The following IL1RAPL2 variants were observed in gnomAD, a reference collection of about 807,000 sequenced individuals.
IL1RAPL2 encodes interleukin 1 receptor accessory protein like 2.
In IL1RAPL2, 3 loss-of-function variants were observed where a neutral mutation model predicts 44.1. The ratio of observed to expected loss-of-function variants is 0.07; its 90% CI spans 0.03 to 0.18. The LOEUF is 0.18. Ranked by LOEUF, IL1RAPL2 falls within the 10% of genes least tolerant of loss-of-function variation. The probability of loss-of-function intolerance (pLI) is 1.00; values close to 1 mark genes in which losing one functional copy is unlikely to be tolerated. For missense variants in IL1RAPL2, 391 were observed against 496.4 expected (o/e 0.79, Z 2.02); for synonymous variants, 181 against 178.8 (o/e 1.01, Z -0.10).
At chrX:104,809,915 T>A (rs1932960326) in intron 2 of IL1RAPL2, among the ~76,000 whole-genome samples, 1 of 111,075 alleles carries the variant, frequency 9.0e-6, no homozygotes, top group African/African-American at 3.3e-5. Context: ...CATTACTGGG[T>A]ATATACCCAA....
chrX:105,023,512 C>T (rs763876689), intron 2 of IL1RAPL2, among the ~76,000 whole-genome samples: 2 of 111,345 alleles, frequency 1.8e-5, no homozygotes, highest in African/African-American at 6.5e-5. Context: ...ACCTTGTGTA[C>T]GTGTGTACTG....
At chrX:104,809,101 C>T (rs189422665) in intron 2 of IL1RAPL2, among the ~76,000 whole-genome samples, 50 of 111,803 alleles carry the variant, frequency 4.5e-4, no homozygotes, top group East Asian at 8.5e-4. Flanking sequence ...TACCTGAAAA[C>T]GAGAAGTTGC....
In IL1RAPL2 at chrX:105,674,092, G is replaced by A. The variant is rs191620403; in HGVS notation, c.773-43275G>A. Among the ~76,000 whole-genome samples the A allele has an allele frequency of 1.5e-4, 17 of 111,444 alleles. No individual in the cohort carries two copies. The East Asian group carries it at 4.5e-3, about 30-fold the overall frequency. ...TAGATCTTTGTCAAACTGATAAATT[G>A]AAAAAATTTTCTCCCACTGTGTAGG... On this transcript the variant is annotated intron_variant, in intron 6 of 10. Transcript: ENST00000372582.
chrX:105,765,302 A>G (rs986071167), intron 10 of IL1RAPL2: 1 of 112,154 alleles, frequency 8.9e-6, no homozygotes, highest in Non-Finnish European at 1.9e-5. Flanking sequence ...TTTCCACTCT[A>G]TTGAAACTTC....
At chrX:104,679,404 C>T (rs945769572) in intron 2 of IL1RAPL2, among the ~76,000 whole-genome samples, 2 of 111,858 alleles carry the variant, frequency 1.8e-5, no homozygotes, top group Non-Finnish European at 3.8e-5. Context: ...TCCATTTCCT[C>T]TTAGAAGGTA....
chrX:105,158,107 TGAGGCGGGCGGATCAC>T (rs900412628), intron 2 of IL1RAPL2, among the ~76,000 whole-genome samples: 17 of 111,747 alleles, frequency 1.5e-4, no homozygotes, highest in Admixed American at 4.7e-4. Flanking sequence ...TCTGGGAGGC[TGAGGCGGGCGGATCAC>T]GAGGCGGGCG....
intron 2 of IL1RAPL2, among the ~76,000 whole-genome samples, chrX:104,966,384 T>G (rs972874861): frequency 2.2e-4 from 24 of 111,505 alleles, no homozygotes; most frequent in African/African-American, 7.8e-4. Flanking sequence ...AGTAAAAGGA[T>G]GGATAAATAT....
At chrX:104,824,330 A>T (rs937064470) in intron 2 of IL1RAPL2, among the ~76,000 whole-genome samples, 3 of 111,875 alleles carry the variant, frequency 2.7e-5, no homozygotes, top group Non-Finnish European at 5.6e-5. Flanking sequence ...TTCATCAGGG[A>T]TATTGGCCTG....
intron 4 of IL1RAPL2, among the ~76,000 whole-genome samples, chrX:105,240,858 C>A (rs990738256): frequency 9.0e-6 from 1 of 111,573 alleles, no homozygotes; most frequent in Non-Finnish European, 1.9e-5. Context: ...GGCGTGGTAG[C>A]TAACGCCTGT....
rs185404230 is a variant in IL1RAPL2, at chrX:104,578,244, T to C, written c.-20+11193T>C. Among the ~76,000 whole-genome samples, 7 of 112,027 alleles carry C rather than the reference T, an allele frequency of 6.2e-5. No individual in the cohort carries two copies. The East Asian group carries it at 2.0e-3, about 32-fold the overall frequency. ...AAAAGATGAGGGTGGGCACATCTTGTGCTGCCAGAAAGTAAGAAGTGCTCA... is the reference window on the plus strand; with the variant it reads ...AAAAGATGAGGGTGGGCACATCTTGCGCTGCCAGAAAGTAAGAAGTGCTCA... On this transcript the variant is annotated intron_variant, in intron 1 of 10. Transcript: ENST00000372582.
At chrX:104,850,663 T>C (rs1295396589) in intron 2 of IL1RAPL2, among the ~76,000 whole-genome samples, 1 of 111,952 alleles carries the variant, frequency 8.9e-6, no homozygotes, top group Non-Finnish European at 1.9e-5. Flanking sequence ...GGAGCTGTTG[T>C]AATTTGTAGT....
intron 2 of IL1RAPL2, among the ~76,000 whole-genome samples, chrX:104,775,550 C>G (rs1043560552): frequency 1.8e-5 from 2 of 111,583 alleles, no homozygotes; most frequent in Admixed American, 1.9e-4. Context: ...ATTGCATCTG[C>G]TGCTTTTAAA....
chrX:105,094,789 G>T (rs1415891250), intron 2 of IL1RAPL2, among the ~76,000 whole-genome samples: 2 of 111,320 alleles, frequency 1.8e-5, no homozygotes, highest in Non-Finnish European at 3.8e-5. Flanking sequence ...TTGCCATCTT[G>T]ACAACATTAA....
At chrX:105,220,457 C>T in intron 3 of IL1RAPL2, 3 of 1,017,903 alleles carry the variant, frequency 2.9e-6, no homozygotes, top group Non-Finnish European at 1.3e-6. Context: ...CCAATAGGTT[C>T]CTTTCCTCCC....
chrX:105,736,283 G>A lies in IL1RAPL2; in HGVS notation c.903-4263G>A, dbSNP rs2038448016. Among the ~76,000 whole-genome samples the A allele has an allele frequency of 2.7e-5, 3 of 110,130 alleles. No homozygotes were observed. The South Asian group carries it at 1.1e-3, about 42-fold the overall frequency. On this transcript the variant is annotated intron_variant, in intron 7 of 10. Transcript: ENST00000372582. ...ATAAAAATCCTGAAAGACAACCTAG[G>A]AAATAGCATTATAGACATAGAATCT...
At chrX:104,769,869 A>G (rs1450399743) in intron 2 of IL1RAPL2, among the ~76,000 whole-genome samples, 1 of 111,766 alleles carries the variant, frequency 8.9e-6, no homozygotes, top group African/African-American at 3.3e-5. Flanking sequence ...CTTGGTTTCT[A>G]TTTGAATCTG....
chrX:104,791,889 T>C (rs1932828219), intron 2 of IL1RAPL2, among the ~76,000 whole-genome samples: 1 of 111,219 alleles, frequency 9.0e-6, no homozygotes, highest in African/African-American at 3.3e-5. Context: ...GACTTTGGGT[T>C]TTCTTCTCCT....
At chrX:105,183,356 T>G (rs1293757221) in intron 2 of IL1RAPL2, among the ~76,000 whole-genome samples, 4 of 111,594 alleles carry the variant, frequency 3.6e-5, no homozygotes, top group African/African-American at 1.3e-4. Flanking sequence ...AGCAGTTGTA[T>G]GCAGGGAAAG....
intron 2 of IL1RAPL2, among the ~76,000 whole-genome samples, chrX:104,808,795 G>C (rs948172314): frequency 9.0e-6 from 1 of 111,691 alleles, no homozygotes; most frequent in African/African-American, 3.3e-5. Context: ...GTTTGGATTA[G>C]TTGTTGAACG....
Sources: allele counts gnomAD v4.1 joint callset (sites outside exome capture counted in the v4.1 genomes callset), GRCh38; gene constraint gnomAD v4.1.1; transcripts MANE v1.5; gene names NCBI Gene and HGNC (gene_info 2026-07-23, HGNC 2026-07-21).